Variants in BTBD9 observed in about 807,000 individuals in gnomAD.
The protein encoded by BTBD9 is BTB domain containing 9.
Under a neutral mutation model 64.3 loss-of-function variants are expected in BTBD9, and 49 were observed. The observed-to-expected ratio is 0.76, with a 90% CI of 0.61 to 0.97. The LOEUF (loss-of-function observed/expected upper bound fraction) is 0.97. Ranked by LOEUF, BTBD9 falls within the 50% of genes least tolerant of loss-of-function variation. The pLI is 0.00. For synonymous variants in BTBD9, 260 were observed against 274.7 expected, an observed-to-expected ratio of 0.95 and a Z score of 0.53; for missense variants, 598 against 762.1, an observed-to-expected ratio of 0.78 and a Z score of 2.53.
At chr6:38,305,509 G>A (rs1389470308) in intron 7 of BTBD9, among the ~76,000 whole-genome samples, 2 of 152,172 alleles carry the variant, frequency 1.3e-5, no homozygotes, top group African/African-American at 2.4e-5. Context: ...TTGAGATACA[G>A]TCTCACTCTG....
intron 6 of BTBD9, among the ~76,000 whole-genome samples, chr6:38,399,918 ATT>A (rs562182320): frequency 2.8e-5 from 4 of 140,696 alleles, no homozygotes; most frequent in Admixed American, 7.1e-5. Context: ...TGCCCAGCTA[ATT>A]TTTTTTTTTT....
intron 6 of BTBD9, among the ~76,000 whole-genome samples, chr6:38,523,119 G>C (rs1275837834): frequency 1.3e-5 from 2 of 152,122 alleles, no homozygotes; most frequent in African/African-American, 4.8e-5. Context: ...GAAGATGGAG[G>C]TTGCTGTGAG....
chr6:38,351,577 C>G (rs1764516642), intron 6 of BTBD9, among the ~76,000 whole-genome samples: 1 of 135,658 alleles, frequency 7.4e-6, no homozygotes, highest in Admixed American at 8.2e-5. Flanking sequence ...TCTCAGCTCA[C>G]TGCAAGCTCC....
At chr6:38,490,070 AAG>A (rs1771634767) in intron 6 of BTBD9, among the ~76,000 whole-genome samples, 1 of 152,204 alleles carries the variant, frequency 6.6e-6, no homozygotes, top group East Asian at 1.9e-4. Context: ...AGTTTCTAAA[AAG>A]CAGCCAGTGT....
rs929007359 is a variant in BTBD9 at position 38,339,709 on chromosome 6, T to C, written c.1264+5275A>G. On this transcript the variant is annotated intron_variant, in intron 7 of 10. Transcript: ENST00000481247. ...AGGGCAGGAATAGAAGCTTCATTTC[T>C]CTGAATATAGCTCTTTTGCAGGTTT... 2.6e-5 allele frequency among the ~76,000 whole-genome samples: 4 copies of C among 152,322 alleles called. No homozygotes were observed. The East Asian group carries it at 7.7e-4, about 29-fold the overall frequency.
At chr6:38,282,205 TA>T (rs537163491) in intron 8 of BTBD9, among the ~76,000 whole-genome samples, 3 of 152,218 alleles carry the variant, frequency 2.0e-5, no homozygotes, top group Non-Finnish European at 4.4e-5. Flanking sequence ...TTAATGTTTT[TA>T]AAATGGCATG....
At chr6:38,451,640 G>A (rs1769554985) in intron 6 of BTBD9, among the ~76,000 whole-genome samples, 1 of 152,144 alleles carries the variant, frequency 6.6e-6, no homozygotes, top group Non-Finnish European at 1.5e-5. Flanking sequence ...GACCACATAT[G>A]AAGACGATGA....
intron 9 of BTBD9, among the ~76,000 whole-genome samples, chr6:38,227,697 T>C (rs1763446513): frequency 6.6e-6 from 1 of 152,236 alleles, no homozygotes; most frequent in Non-Finnish European, 1.5e-5. Context: ...TATGCAGCTC[T>C]GCTGCTGACA....
intron 6 of BTBD9, among the ~76,000 whole-genome samples, chr6:38,575,014 T>C (rs1021475523): frequency 3.3e-5 from 5 of 152,220 alleles, no homozygotes; most frequent in Non-Finnish European, 5.9e-5. Flanking sequence ...TTTTTGTAAA[T>C]GTATTAGATG....
At chr6:38,501,417 G>C (rs919048571) in intron 6 of BTBD9, among the ~76,000 whole-genome samples, 6 of 152,294 alleles carry the variant, frequency 3.9e-5, no homozygotes, top group African/African-American at 1.4e-4. Context: ...TTTCAGATAA[G>C]GGACACTCAA....
intron 6 of BTBD9, among the ~76,000 whole-genome samples, chr6:38,574,230 T>G (rs770950467): frequency 6.6e-5 from 10 of 152,208 alleles, no homozygotes; most frequent in Non-Finnish European, 1.3e-4. Context: ...TGATATTATC[T>G]GCCATTAGAT....
At position 38,172,289 on chromosome 6, in the gene BTBD9, C is replaced by T. The variant is rs1766825995; in HGVS notation, c.*2696G>A. The T allele has an allele frequency of 6.6e-6, 1 of 152,364 alleles. No homozygotes were observed. 9.4% of individuals were successfully genotyped at this position (152,364 alleles called of 1,614,324 possible). ...CTTTTAGCTTCAAGTGTTTAGGTCG[C>T]TTTGGTCCTGGTGGCCCAGGGGAGA... is the stretch of plus-strand genomic sequence containing the variant. On this transcript the variant is annotated 3_prime_UTR_variant, in exon 11 of 11. Transcript: ENST00000481247.
intron 6 of BTBD9, among the ~76,000 whole-genome samples, chr6:38,353,460 G>A (rs1764602050): frequency 6.6e-6 from 1 of 152,036 alleles, no homozygotes; most frequent in South Asian, 2.1e-4. Context: ...AGGAGCAAGG[G>A]AGAAAGAGAA....
chr6:38,538,241 G>GT (rs999208013), intron 6 of BTBD9, among the ~76,000 whole-genome samples: 30 of 152,138 alleles, frequency 2.0e-4, no homozygotes, highest in African/African-American at 3.9e-4. Context: ...GAATTCATTA[G>GT]TTTTTTAAGA....
intron 6 of BTBD9, among the ~76,000 whole-genome samples, chr6:38,405,449 ACT>A (rs1767120457): frequency 2.0e-5 from 3 of 152,192 alleles, no homozygotes; most frequent in Non-Finnish European, 2.9e-5. Flanking sequence ...GAAAGCAGCA[ACT>A]CTGCATCAGC....
At chr6:38,568,873 G>C (rs1489105781) in intron 6 of BTBD9, among the ~76,000 whole-genome samples, 2 of 152,068 alleles carry the variant, frequency 1.3e-5, no homozygotes, top group African/African-American at 4.8e-5. Context: ...CTTAAAGAAA[G>C]AAGTTTTAAA....
At chr6:38,338,596 A>T (rs1763988004) in intron 7 of BTBD9, among the ~76,000 whole-genome samples, 1 of 152,166 alleles carries the variant, frequency 6.6e-6, no homozygotes, top group Non-Finnish European at 1.5e-5. Context: ...CCTAGTTATT[A>T]TCTCTCAAGC....
At chr6:38,283,077 A>T (rs1761581729) in intron 8 of BTBD9, among the ~76,000 whole-genome samples, 1 of 152,208 alleles carries the variant, frequency 6.6e-6, no homozygotes, top group Non-Finnish European at 1.5e-5. Context: ...GTATAGAGAG[A>T]GGGTCAGAGA....
At chr6:38,246,518 G>A (rs896869321) in intron 9 of BTBD9, among the ~76,000 whole-genome samples, 7 of 150,864 alleles carry the variant, frequency 4.6e-5, no homozygotes, top group Admixed American at 2.0e-4. Context: ...TTCATTTTTT[G>A]AAACCATTCC....
Sources: allele counts gnomAD v4.1 joint callset (sites outside exome capture counted in the v4.1 genomes callset), GRCh38; gene constraint gnomAD v4.1.1; transcripts MANE v1.5; gene names NCBI Gene and HGNC (gene_info 2026-07-23, HGNC 2026-07-21).